Variants in ST8SIA6 observed in about 807,000 individuals in gnomAD.
ST8SIA6 encodes ST8 alpha-N-acetyl-neuraminide alpha-2,8-sialyltransferase 6.
In ST8SIA6, 39 loss-of-function variants were observed where a neutral mutation model predicts 33.6. The ratio of observed to expected loss-of-function variants is 1.16; its 90% CI spans 0.90 to 1.52. The LOEUF (loss-of-function observed/expected upper bound fraction) is 1.52, where lower values mean the gene tolerates loss of function less well. ST8SIA6 is among the 40% of genes most tolerant of loss of function. The probability of loss-of-function intolerance (pLI) is 0.00; values close to 1 mark genes in which losing one functional copy is unlikely to be tolerated. For missense variants in ST8SIA6, 441 were observed against 443.8 expected (o/e 0.99, Z 0.06); for synonymous variants, 172 against 167.2 (o/e 1.03, Z -0.22).
chr10:17,401,530 A>G (rs1851041867), intron 2 of ST8SIA6, among the ~76,000 whole-genome samples: 1 of 152,204 alleles, frequency 6.6e-6, no homozygotes, highest in Admixed American at 6.5e-5. Flanking sequence ...ACTTCAAATT[A>G]TACTACAAGG....
intron 3 of ST8SIA6, among the ~76,000 whole-genome samples, chr10:17,383,355 A>G (rs1365947892): frequency 6.6e-6 from 1 of 152,248 alleles, no homozygotes; most frequent in Non-Finnish European, 1.5e-5. Flanking sequence ...AAAATTATAC[A>G]GGAAGCATTG....
chr10:17,439,788 G>A (rs1852406424), intron 2 of ST8SIA6, among the ~76,000 whole-genome samples: 1 of 152,212 alleles, frequency 6.6e-6, no homozygotes, highest in South Asian at 2.1e-4. Context: ...ATGTGAAGAA[G>A]AGGAATCACT....
At chr10:17,344,073 T>C (rs939429352) in intron 4 of ST8SIA6, among the ~76,000 whole-genome samples, 1 of 152,204 alleles carries the variant, frequency 6.6e-6, no homozygotes, top group African/African-American at 2.4e-5. Flanking sequence ...ATGACATGAC[T>C]GAGACTTGGA....
At chr10:17,415,031 A>G (rs903292278) in intron 2 of ST8SIA6, among the ~76,000 whole-genome samples, 2 of 152,092 alleles carry the variant, frequency 1.3e-5, no homozygotes, top group African/African-American at 2.4e-5. Flanking sequence ...AACTAGGGTT[A>G]TCCTTCTCAC....
chr10:17,317,157 C>T lies in ST8SIA6; in HGVS notation c.*3721G>A, dbSNP rs543046103. On this transcript the variant is annotated 3_prime_UTR_variant, in exon 8 of 8. Transcript: ENST00000377602. ...GTGCAATGTAGGCATTTATTTTTCT[C>T]CATAGAGTGAGCCAATGTTTCAATA... Among the ~76,000 whole-genome samples, 37 of 152,270 alleles carry T rather than the reference C, an allele frequency of 2.4e-4. No homozygotes were observed. The highest frequency in any genetic ancestry group is 8.4e-4 in the African/African-American group (35 of 41,564).
Position 17,320,725 on chromosome 10 carries a change from G to A in ST8SIA6, c.*153C>T. 1.5e-6 allele frequency: 1 copy of A among 658,810 alleles called. No homozygotes were observed. Among genetic ancestry groups the A allele is most frequent in the Non-Finnish European group, 2.6e-6 (1 of 383,378 alleles). The allele number at this position is 658,810 out of a possible 1,614,324, so 40.8% of individuals were successfully genotyped here. A position where few individuals can be genotyped will look rare whatever the true frequency, so the allele number is the denominator to read the frequency against. ...GAAGATGAGAAGGATTGAATGACTT[G>A]CCATCATTGCAAAATGAGTGGGGAA... On this transcript the variant is annotated 3_prime_UTR_variant, in exon 8 of 8. Coordinates refer to ENST00000377602, the MANE Select transcript of ST8SIA6 (RefSeq NM_001004470.3).
intron 2 of ST8SIA6, among the ~76,000 whole-genome samples, chr10:17,393,998 A>G (rs1187660744): frequency 6.6e-6 from 1 of 152,082 alleles, no homozygotes; most frequent in African/African-American, 2.4e-5. Context: ...CTTGTATTTT[A>G]TGCAGGCAGG....
intron 2 of ST8SIA6, among the ~76,000 whole-genome samples, chr10:17,436,364 G>GTTTGTT (rs1852254527): frequency 6.6e-6 from 1 of 152,006 alleles, no homozygotes; most frequent in Non-Finnish European, 1.5e-5. Flanking sequence ...AGATCTGATG[G>GTTTGTT]TTTGTTTTTG....
intron 2 of ST8SIA6, among the ~76,000 whole-genome samples, 184 bp from the exon 3 acceptor site, chr10:17,390,804 A>AAAAC (rs1850569362): frequency 6.6e-6 from 1 of 151,472 alleles, no homozygotes; most frequent in Non-Finnish European, 1.5e-5. Flanking sequence ...TAAATGAAAA[A>AAAAC]AAAAACAAAA....
At chr10:17,377,118 C>T (rs1250068023) in intron 3 of ST8SIA6, among the ~76,000 whole-genome samples, 1 of 152,070 alleles carries the variant, frequency 6.6e-6, no homozygotes, top group Non-Finnish European at 1.5e-5. Context: ...TTGTTCCTGC[C>T]CCACCCTAAT....
intron 2 of ST8SIA6, among the ~76,000 whole-genome samples, chr10:17,405,726 A>T (rs539474122): frequency 6.6e-6 from 1 of 151,768 alleles, no homozygotes; most frequent in South Asian, 2.1e-4. Flanking sequence ...TACTAAAAGT[A>T]CAAAACTTAG....
intron 3 of ST8SIA6, among the ~76,000 whole-genome samples, chr10:17,373,046 A>C (rs1183198948): frequency 6.6e-6 from 1 of 152,184 alleles, no homozygotes; most frequent in African/African-American, 2.4e-5. Flanking sequence ...TGGCAACTCC[A>C]TAAATTCCCA....
At chr10:17,431,165 T>C (rs1852089508) in intron 2 of ST8SIA6, among the ~76,000 whole-genome samples, 1 of 152,200 alleles carries the variant, frequency 6.6e-6, no homozygotes, top group African/African-American at 2.4e-5. Context: ...TCAACTGTGA[T>C]GCAGACTGCC....
intron 2 of ST8SIA6, among the ~76,000 whole-genome samples, chr10:17,448,702 G>A (rs564824653): frequency 2.4e-4 from 37 of 151,656 alleles, no homozygotes; most frequent in African/African-American, 8.7e-4. Context: ...TGCAAGCTCC[G>A]CCTCCTGGGT....
At chr10:17,322,426 C>T (rs913859943) in intron 7 of ST8SIA6, among the ~76,000 whole-genome samples, 3 of 151,990 alleles carry the variant, frequency 2.0e-5, no homozygotes, top group African/African-American at 7.2e-5. Context: ...TAAGTATAAT[C>T]GTGAGTGTTT....
chr10:17,358,555 G>A (rs150566908), intron 4 of ST8SIA6, among the ~76,000 whole-genome samples: 1 of 150,580 alleles, frequency 6.6e-6, no homozygotes, highest in Non-Finnish European at 1.5e-5. Flanking sequence ...GGGATGTACA[G>A]GAAAAAATCA....
intron 3 of ST8SIA6, among the ~76,000 whole-genome samples, chr10:17,368,362 G>A (rs778716896): frequency 1.5e-5 from 2 of 130,894 alleles, no homozygotes; most frequent in East Asian, 2.2e-4. Context: ...AGCTGAGATC[G>A]CACCATTGTA....
At chr10:17,403,356 A>G (rs763078209) in intron 2 of ST8SIA6, among the ~76,000 whole-genome samples, 5 of 152,264 alleles carry the variant, frequency 3.3e-5, no homozygotes, top group Non-Finnish European at 5.9e-5. Flanking sequence ...AGTTGCAAAC[A>G]TGAGCATCTG....
chr10:17,442,550 A>G (rs1852537100), intron 2 of ST8SIA6, among the ~76,000 whole-genome samples: 1 of 152,214 alleles, frequency 6.6e-6, no homozygotes, highest in Admixed American at 6.5e-5. Flanking sequence ...CTTTTCAAAG[A>G]GTGTTCAAAA....
Sources: allele counts gnomAD v4.1 joint callset (sites outside exome capture counted in the v4.1 genomes callset), GRCh38; gene constraint gnomAD v4.1.1; transcripts MANE v1.5; gene names NCBI Gene and HGNC (gene_info 2026-07-23, HGNC 2026-07-21).